MLLT10: variants seen among roughly 807,000 people sequenced by gnomAD.
MLLT10 encodes protein AF-10.
MLLT10 carries 30 observed loss-of-function variants against 129.1 expected under a neutral mutation model. That is an observed-to-expected ratio of 0.23 (90% CI 0.17 to 0.32). MLLT10 has a LOEUF of 0.32. Among genes scored for constraint, MLLT10 ranks in the 10% least tolerant of loss-of-function variants. The probability of loss-of-function intolerance (pLI) is 1.00; values close to 1 mark genes in which losing one functional copy is unlikely to be tolerated. For missense variants in MLLT10, 1,119 were observed against 1,268.3 expected (o/e 0.88, Z 1.79); for synonymous variants, 490 against 446.4 (o/e 1.10, Z -1.23).
chr10:21,730,208 T>C (rs1298892882), intron 16 of MLLT10, among the ~76,000 whole-genome samples: 3 of 151,340 alleles, frequency 2.0e-5, no homozygotes, highest in African/African-American at 4.9e-5. Context: ...GGTGGGAGGA[T>C]TGCTTGAACC....
rs11012757 is a variant in MLLT10, at chr10:21,628,081, C to T, written c.699+10874C>T. Among the ~76,000 whole-genome samples the T allele has an allele frequency of 2.9e-3, 437 of 152,280 alleles. 1 individual carries two copies. The highest frequency in any genetic ancestry group is 0.01 in the African/African-American group (424 of 41,544). On this transcript the variant is annotated intron_variant, in intron 8 of 22. Transcript: ENST00000307729. ...CTAAGGGCCATGAGGTTTCTAGTGA[C>T]AATCTCTTCATTGCTCATCAAGCTT...
rs145398852 is a variant in MLLT10, at chr10:21,699,643, G to A, written c.1700-14129G>A. ...TTTTTGAAGAGGATATCCTTTCCTC[G>A]GTGTACGTACTTGGTGCCTTTGTCA... On this transcript the variant is annotated intron_variant, in intron 13 of 22. Coordinates refer to ENST00000307729, the MANE Select transcript of MLLT10 (RefSeq NM_001195626.3). Among the ~76,000 whole-genome samples, 724 of 151,234 alleles carry A rather than the reference G, an allele frequency of 4.8e-3. 2 individuals carry two copies. The highest frequency in any genetic ancestry group is 0.017 in the African/African-American group (682 of 41,220).
chr10:21,729,327 A>T (rs1235726276), intron 16 of MLLT10, among the ~76,000 whole-genome samples: 1 of 152,174 alleles, frequency 6.6e-6, no homozygotes, highest in Non-Finnish European at 1.5e-5. Flanking sequence ...ATTTTGCTTA[A>T]TATAGTTTTT....
intron 5 of MLLT10, among the ~76,000 whole-genome samples, chr10:21,603,491 A>C (rs1318668425): frequency 6.6e-6 from 1 of 152,210 alleles, no homozygotes; most frequent in Non-Finnish European, 1.5e-5. Context: ...ACTTATTATA[A>C]CATTCGTTTA....
chr10:21,741,274 T>TC (rs11290537), intron 22 of MLLT10, among the ~76,000 whole-genome samples: 1 of 151,976 alleles, frequency 6.6e-6, no homozygotes, highest in South Asian at 2.1e-4. Flanking sequence ...TAGTATTTTT[T>TC]CCCCCCCAGT....
In MLLT10 at chr10:21,542,581, A is replaced by G. The variant is rs984292814; in HGVS notation, c.240+3669A>G. 5.9e-5 allele frequency among the ~76,000 whole-genome samples: 9 copies of G among 152,126 alleles called. No homozygotes were observed. In the Middle Eastern group the frequency reaches 0.024, roughly 402 times the overall value. On this transcript the variant is annotated intron_variant, in intron 3 of 22. Transcript: ENST00000307729. ...GAAACTCTGTCTCAAAAAAATATAT[A>G]TATATTAGATGCTGCTGGGAGCAGT... is the stretch of plus-strand genomic sequence containing the variant.
chr10:21,685,006 CTT>C (rs969697282), intron 13 of MLLT10, among the ~76,000 whole-genome samples: 1 of 151,948 alleles, frequency 6.6e-6, no homozygotes, highest in African/African-American at 2.4e-5. Flanking sequence ...TTTTCAGACT[CTT>C]TGATAGAATT....
At chr10:21,651,154 C>T (rs2048995713) in intron 8 of MLLT10, among the ~76,000 whole-genome samples, 1 of 152,164 alleles carries the variant, frequency 6.6e-6, no homozygotes, top group East Asian at 1.9e-4. Flanking sequence ...TCACCACAAC[C>T]TCCGCCTCCT....
intron 8 of MLLT10, among the ~76,000 whole-genome samples, chr10:21,629,111 T>G (rs2046763953): frequency 6.6e-6 from 1 of 151,780 alleles, no homozygotes. Context: ...TTTTTTTTTT[T>G]GCTGCATGAA....
chr10:21,696,987 A>G lies in MLLT10; in HGVS notation c.1699+14730A>G, dbSNP rs1009284788. On this transcript the variant is annotated intron_variant, in intron 13 of 22. Transcript: ENST00000307729. ...TCCTTTGTAGCCTGTGAGACTCTAC[A>G]TGAGTTGACTCCCTAGCTTCATCTT... Among the ~76,000 whole-genome samples the G allele has an allele frequency of 3.3e-5, 5 of 150,356 alleles. No homozygotes were observed. In the South Asian group the frequency reaches 8.4e-4, roughly 25 times the overall value.
intron 11 of MLLT10, among the ~76,000 whole-genome samples, chr10:21,676,050 G>A (rs1041907037): frequency 6.6e-6 from 1 of 152,012 alleles, no homozygotes; most frequent in Non-Finnish European, 1.5e-5. Context: ...AATTTAGGGG[G>A]AAATTCTTGT....
chr10:21,583,956 G>A (rs1589078834), intron 3 of MLLT10, among the ~76,000 whole-genome samples: 3 of 151,448 alleles, frequency 2.0e-5, no homozygotes, highest in African/African-American at 7.3e-5. Context: ...TGCAAGCTCC[G>A]CCTCCTGGGT....
At chr10:21,639,322 G>A (rs1171007535) in intron 8 of MLLT10, among the ~76,000 whole-genome samples, 3 of 152,092 alleles carry the variant, frequency 2.0e-5, no homozygotes, top group Middle Eastern at 3.2e-3. Flanking sequence ...ACACAGGTTG[G>A]GAACTCAGTC....
Position 21,673,931 on chromosome 10 carries a change from C to T in MLLT10, c.1621+12C>T, listed in dbSNP as rs1255385493. On this transcript the variant is annotated intron_variant, in intron 11 of 22. Transcript: ENST00000307729. ...TCCAGTTGGTTCAGGTAGGGGTTTG[C>T]CTATTATTATTTTTCTCCTTCACTC... 2 of 1,542,868 alleles carry T rather than the reference C, an allele frequency of 1.3e-6. No individual in the cohort carries two copies. Among genetic ancestry groups the T allele is most frequent in the South Asian group, 1.3e-5 (1 of 79,276 alleles).
chr10:21,548,419 G>C lies in MLLT10; in HGVS notation c.240+9507G>C, dbSNP rs553514554. On this transcript the variant is annotated intron_variant, in intron 3 of 22. Coordinates refer to ENST00000307729, the MANE Select transcript of MLLT10 (RefSeq NM_001195626.3). Reference sequence around the variant, plus strand: ...GACGGAGCCTCTGTTGCCCAGGCTGGAGTGCAGTGTTGCGATCTCGGCTCA... The same window carrying C: ...GACGGAGCCTCTGTTGCCCAGGCTGCAGTGCAGTGTTGCGATCTCGGCTCA... 5.3e-5 allele frequency among the ~76,000 whole-genome samples: 8 copies of C among 151,098 alleles called. No individual in the cohort carries two copies. The South Asian group carries it at 1.7e-3, about 32-fold the overall frequency.
chr10:21,588,361 C>A (rs970616762), intron 4 of MLLT10, among the ~76,000 whole-genome samples: 17 of 152,252 alleles, frequency 1.1e-4, no homozygotes, highest in African/African-American at 3.9e-4. Flanking sequence ...GTCACTGCAC[C>A]CGGCATGAAC....
chr10:21,734,646 GAATA>G (rs912121745), intron 20 of MLLT10, among the ~76,000 whole-genome samples: 2 of 152,094 alleles, frequency 1.3e-5, no homozygotes, highest in Admixed American at 6.5e-5. Context: ...ACTTTTGGGG[GAATA>G]AATACTTTTA....
chr10:21,676,781 T>G (rs1264724226), intron 11 of MLLT10, among the ~76,000 whole-genome samples: 5 of 150,306 alleles, frequency 3.3e-5, no homozygotes, highest in Non-Finnish European at 7.4e-5. Context: ...TTTTATGTCT[T>G]GTTAAAGCTA....
At chr10:21,685,541 G>A (rs2053215421) in intron 13 of MLLT10, among the ~76,000 whole-genome samples, 1 of 152,208 alleles carries the variant, frequency 6.6e-6, no homozygotes, top group South Asian at 2.1e-4. Context: ...CACCATGTTG[G>A]CCAGGCTGGT....
Sources: gnomAD v4.1 joint callset for allele counts (sites outside exome capture counted in the v4.1 genomes callset) on GRCh38, gnomAD v4.1.1 for gene constraint, MANE v1.5 for transcripts, NCBI Gene and HGNC (gene_info 2026-07-23, HGNC 2026-07-21) for gene names.